PPARA: variants seen among roughly 807,000 people sequenced by gnomAD.
PPARA encodes the protein peroxisome proliferator activated receptor alpha, also known as peroxisome proliferator-activated receptor alpha.
PPARA carries 22 observed loss-of-function variants against 42.2 expected under a neutral mutation model. The observed-to-expected ratio is 0.52, with a 90% CI of 0.37 to 0.74. The LOEUF (loss-of-function observed/expected upper bound fraction) is 0.74, where lower values mean the gene tolerates loss of function less well. PPARA is among the 30% of genes least tolerant of loss of function. PPARA has a pLI of 0.00. For synonymous variants in PPARA, 242 were observed against 239.3 expected, an observed-to-expected ratio of 1.01 and a Z score of -0.10; for missense variants, 465 against 608.2, an observed-to-expected ratio of 0.76 and a Z score of 2.48.
intron 4 of PPARA, among the ~76,000 whole-genome samples, chr22:46,213,855 C>T (rs549023673): frequency 1.3e-5 from 2 of 152,340 alleles, no homozygotes; most frequent in East Asian, 3.9e-4. Flanking sequence ...TCCCAAAGTG[C>T]TGGGATTACA....
Position 46,195,804 on chromosome 22 carries a change from C to T in PPARA, c.-42-2538C>T, listed in dbSNP as rs1264249851. 6.6e-6 allele frequency among the ~76,000 whole-genome samples: 1 copy of T among 152,120 alleles called. No individual in the cohort carries two copies. The highest frequency in any genetic ancestry group is 1.5e-5 in the Non-Finnish European group (1 of 68,038). Reference sequence around the variant, plus strand: ...CAGTGGCTGGTAGCAGCACATACCCCCGAGCCTCTCCGTGGTGTGCGCCGT... The same window carrying T: ...CAGTGGCTGGTAGCAGCACATACCCTCGAGCCTCTCCGTGGTGTGCGCCGT... On this transcript the variant is annotated intron_variant, in intron 3 of 8. Coordinates refer to ENST00000407236, the MANE Select transcript of PPARA (RefSeq NM_005036.6). This position sits in a 1 kb window ranked among gnomAD's most constrained non-coding sequence, Gnocchi z 4.6.
chr22:46,204,796 G>A lies in PPARA; in HGVS notation c.208+6205G>A, dbSNP rs1933062734. On this transcript the variant is annotated intron_variant, in intron 4 of 8. Coordinates refer to ENST00000407236, the MANE Select transcript of PPARA (RefSeq NM_005036.6). This position sits in a 1 kb window ranked among gnomAD's most constrained non-coding sequence, Gnocchi z 5.2. ...ATGTGATCTACAAATATTTTCCCCA[G>A]TGTGTGGTTTGTCTTTCTTTTCTTT... is the stretch of plus-strand genomic sequence containing the variant. 6.6e-6 allele frequency among the ~76,000 whole-genome samples: 1 copy of A among 151,464 alleles called. No homozygotes were observed. Among genetic ancestry groups the A allele is most frequent in the South Asian group, 2.1e-4 (1 of 4,816 alleles).
chr22:46,231,734 A>G lies in PPARA; in HGVS notation c.712-58A>G. The G allele has an allele frequency of 6.5e-7, 1 of 1,540,856 alleles. No homozygotes were observed. The highest frequency in any genetic ancestry group is 8.9e-7 in the Non-Finnish European group (1 of 1,124,716). ...AGGAGCTGCTCATTAGTGAGCTGAT[A>G]GCTGGGAGCATAGCGCATCCCACAT... is the stretch of plus-strand genomic sequence containing the variant. On this transcript the variant is annotated intron_variant, in intron 7 of 8. Coordinates refer to ENST00000407236, the MANE Select transcript of PPARA (RefSeq NM_005036.6). The surrounding 1 kb of genome is among the most constrained non-coding windows in gnomAD (Gnocchi z 7.7).
intron 3 of PPARA, among the ~76,000 whole-genome samples, chr22:46,186,033 T>C (rs1017209369): frequency 2.1e-5 from 3 of 144,152 alleles, no homozygotes; most frequent in African/African-American, 7.7e-5. Context: ...GGTTGGTTCC[T>C]CTTGGTCTTG....
In PPARA at chr22:46,235,430, A is replaced by C; in HGVS notation, c.*50A>C. The C allele has an allele frequency of 6.2e-7, 1 of 1,604,234 alleles. No homozygotes were observed. Among genetic ancestry groups the C allele is most frequent in the Non-Finnish European group, 8.5e-7 (1 of 1,176,314 alleles). ...TTCCAGGAGTTCTGAAGCTGACAGC[A>C]CTACAAAGGAGACGGGGGAGCAGCA... On this transcript the variant is annotated 3_prime_UTR_variant, in exon 9 of 9. Coordinates refer to ENST00000407236, the MANE Select transcript of PPARA (RefSeq NM_005036.6). The surrounding 1 kb of genome is among the most constrained non-coding windows in gnomAD (Gnocchi z 7.0).
At chr22:46,186,883 C>T (rs755189226) in intron 3 of PPARA, among the ~76,000 whole-genome samples, 1 of 151,918 alleles carries the variant, frequency 6.6e-6, no homozygotes, top group African/African-American at 2.4e-5. Flanking sequence ...ATATGCATAC[C>T]TATGATAAAG....
chr22:46,222,670 A>C lies in PPARA; in HGVS notation c.711+2656A>C, dbSNP rs1935096239. ...TCCTGGATATGATTAGTACAGCCCA[A>C]AATTGGGATGGCTAAAACTTTTGTT... is the stretch of plus-strand genomic sequence containing the variant. On this transcript the variant is annotated intron_variant, in intron 7 of 8. Transcript: ENST00000407236. The surrounding 1 kb of genome is among the most constrained non-coding windows in gnomAD (Gnocchi z 5.9). Among the ~76,000 whole-genome samples, 1 of 152,218 alleles carries C rather than the reference A, an allele frequency of 6.6e-6. No homozygotes were observed. Among genetic ancestry groups the C allele is most frequent in the Admixed American group, 6.5e-5 (1 of 15,276 alleles).
chr22:46,204,242 C>A lies in PPARA; in HGVS notation c.208+5651C>A, dbSNP rs1933019608. Among the ~76,000 whole-genome samples, 1 of 152,226 alleles carries A rather than the reference C, an allele frequency of 6.6e-6. No homozygotes were observed. The highest frequency in any genetic ancestry group is 6.5e-5 in the Admixed American group (1 of 15,284). Reference sequence around the variant, plus strand: ...ATAGCACAGTTTGCTGATTCACGCACCTGTTGATGAGCATTTAGGTTGTTT... The same window carrying A: ...ATAGCACAGTTTGCTGATTCACGCAACTGTTGATGAGCATTTAGGTTGTTT... On this transcript the variant is annotated intron_variant, in intron 4 of 8. Coordinates refer to ENST00000407236, the MANE Select transcript of PPARA (RefSeq NM_005036.6). The surrounding 1 kb of genome is among the most constrained non-coding windows in gnomAD (Gnocchi z 5.2).
In PPARA at chr22:46,212,641, C is replaced by T. The variant is rs1173930517; in HGVS notation, c.209-2532C>T. 6.6e-6 allele frequency among the ~76,000 whole-genome samples: 1 copy of T among 152,112 alleles called. No homozygotes were observed. The highest frequency in any genetic ancestry group is 1.5e-5 in the Non-Finnish European group (1 of 68,038). On this transcript the variant is annotated intron_variant, in intron 4 of 8. Coordinates refer to ENST00000407236, the MANE Select transcript of PPARA (RefSeq NM_005036.6). The surrounding 1 kb of genome is among the most constrained non-coding windows in gnomAD (Gnocchi z 4.2). The stretch of plus-strand genomic sequence containing the variant: ...AATGAGTTCCCACTGTCTGTTTGTA[C>T]CACAGTTTGTATATCTATTCACCTA...
intron 4 of PPARA, among the ~76,000 whole-genome samples, chr22:46,210,065 G>A (rs1176591759): frequency 1.3e-5 from 2 of 150,886 alleles, no homozygotes; most frequent in Admixed American, 1.3e-4. Flanking sequence ...TTTTAAAAAT[G>A]TCTTGAGGCC....
chr22:46,217,193 T>G (rs1278106517), intron 5 of PPARA, among the ~76,000 whole-genome samples: 2 of 152,090 alleles, frequency 1.3e-5, no homozygotes, highest in African/African-American at 4.8e-5. Context: ...AAGGACATTA[T>G]GAAGACGTCA....
chr22:46,166,460 A>C (rs1927073911), intron 2 of PPARA, among the ~76,000 whole-genome samples: 1 of 152,048 alleles, frequency 6.6e-6, no homozygotes, highest in Non-Finnish European at 1.5e-5. Context: ...TCTACTAAAA[A>C]TACAAAAATT....
chr22:46,181,001 A>AG (rs1201894544), intron 3 of PPARA, among the ~76,000 whole-genome samples: 5 of 152,134 alleles, frequency 3.3e-5, no homozygotes, highest in Non-Finnish European at 5.9e-5. Flanking sequence ...CGGTTCCAGC[A>AG]GGGGCTGGGG....
intron 3 of PPARA, among the ~76,000 whole-genome samples, chr22:46,186,639 G>A (rs1219684546): frequency 6.6e-6 from 1 of 152,282 alleles, no homozygotes; most frequent in African/African-American, 2.4e-5. Context: ...CCTGAACACA[G>A]GAGGCGGAGG....
intron 3 of PPARA, among the ~76,000 whole-genome samples, chr22:46,197,311 A>G (rs1218517583): frequency 6.6e-6 from 1 of 151,816 alleles, no homozygotes; most frequent in Non-Finnish European, 1.5e-5. Context: ...CGGCCTCCCA[A>G]AGTGCTGGGA....
chr22:46,198,588 AC>A lies in PPARA; in HGVS notation c.206del (p.Thr69ArgfsTer13). ...TCCTGGCTCAGATGGCTCGGTCATCACGGGTAAGTGTGCCGTTTCCTAGAAA... is the reference window on the plus strand; with the variant it reads ...TCCTGGCTCAGATGGCTCGGTCATCAGGGTAAGTGTGCCGTTTCCTAGAAA... ...SCPGSDGSVI[T>X]DTLSPASSPS... On this transcript the variant is annotated frameshift_variant and splice_region_variant, in exon 4 of 9. Coordinates refer to ENST00000407236, the MANE Select transcript of PPARA (RefSeq NM_005036.6). LOFTEE classifies it high-confidence loss of function. 6.2e-7 allele frequency: 1 copy of A among 1,612,624 alleles called. No homozygotes were observed.
At position 46,161,262 on chromosome 22, in the gene PPARA, A is replaced by G. The variant is rs129600; in HGVS notation, c.-127+9292A>G. ...TAAATCATTTTCTAGAAGGAATTTC[A>G]GAAGGATGTGTGCCCAATTATGGTA... On this transcript the variant is annotated intron_variant, in intron 2 of 8. Transcript: ENST00000407236. This position sits in a 1 kb window ranked among gnomAD's most constrained non-coding sequence, Gnocchi z 4.8. Among the ~76,000 whole-genome samples the G allele has an allele frequency of 0.27, 40,769 of 152,134 alleles. 5,756 individuals carry two copies. The highest frequency in any genetic ancestry group is 0.37 in the East Asian group (1,927 of 5,178).
At position 46,191,351 on chromosome 22, in the gene PPARA, A is replaced by G. The variant is rs1931518218; in HGVS notation, c.-42-6991A>G. On this transcript the variant is annotated intron_variant, in intron 3 of 8. Transcript: ENST00000407236. The surrounding 1 kb of genome is among the most constrained non-coding windows in gnomAD (Gnocchi z 4.6). ...CCTTCGGTCTCCTTTTATTCCAAGC[A>G]AGTGGCAAAACTACTTTACTCTTAA... 1.3e-5 allele frequency among the ~76,000 whole-genome samples: 2 copies of G among 152,140 alleles called. No individual in the cohort carries two copies. The highest frequency in any genetic ancestry group is 4.8e-5 in the African/African-American group (2 of 41,448).
chr22:46,162,377 T>C lies in PPARA; in HGVS notation c.-127+10407T>C, dbSNP rs1397192819. 6.6e-6 allele frequency among the ~76,000 whole-genome samples: 1 copy of C among 152,182 alleles called. No individual in the cohort carries two copies. The highest frequency in any genetic ancestry group is 6.5e-5 in the Admixed American group (1 of 15,272). ...ACACGCTGTCTACACAAACCCCTTC[T>C]GGTTCTTCTCGTGCACTGGGCGTGC... is the stretch of plus-strand genomic sequence containing the variant. On this transcript the variant is annotated intron_variant, in intron 2 of 8. Transcript: ENST00000407236. This position sits in a 1 kb window ranked among gnomAD's most constrained non-coding sequence, Gnocchi z 6.0.
Sources: allele counts gnomAD v4.1 joint callset (sites outside exome capture counted in the v4.1 genomes callset), GRCh38; gene constraint gnomAD v4.1.1; non-coding constraint Gnocchi (gnomAD v3.1); transcripts MANE v1.5; gene names NCBI Gene and HGNC (gene_info 2026-07-23, HGNC 2026-07-21).